Variants in THSD7B observed in about 807,000 individuals in gnomAD.
THSD7B encodes thrombospondin type 1 domain containing 7B, also known as thrombospondin type-1 domain-containing protein 7B.
A neutral mutation model predicts 213.6 loss-of-function variants in THSD7B; 138 were observed. The ratio of observed to expected loss-of-function variants is 0.65; its 90% CI spans 0.56 to 0.74. The LOEUF is 0.74. Among genes scored for constraint, THSD7B ranks in the 30% least tolerant of loss-of-function variants. The pLI is 0.00. For synonymous variants in THSD7B, 742 were observed against 687.0 expected, an observed-to-expected ratio of 1.08 and a Z score of -1.25; for missense variants, 1,931 against 1,991.5, an observed-to-expected ratio of 0.97 and a Z score of 0.58.
At chr2:137,089,745 C>T (rs1687915696) in intron 3 of THSD7B, among the ~76,000 whole-genome samples, 1 of 152,018 alleles carries the variant, frequency 6.6e-6, no homozygotes, top group Non-Finnish European at 1.5e-5. Flanking sequence ...CGAAATCTCA[C>T]ACATCACCAC....
intron 25 of THSD7B, among the ~76,000 whole-genome samples, chr2:137,660,902 TCTTA>T (rs1054805540): frequency 6.6e-5 from 10 of 152,228 alleles, no homozygotes; most frequent in African/African-American, 2.4e-4. Flanking sequence ...TAACATGTGC[TCTTA>T]CTTTTTTTCT....
intron 15 of THSD7B, among the ~76,000 whole-genome samples, chr2:137,518,491 T>C (rs1275839864): frequency 2.0e-5 from 3 of 152,102 alleles, no homozygotes; most frequent in Non-Finnish European, 4.4e-5. Flanking sequence ...AGAAGCACGA[T>C]TGGAAAATTG....
chr2:137,067,074 C>A (rs1687396360), intron 3 of THSD7B, among the ~76,000 whole-genome samples: 1 of 152,102 alleles, frequency 6.6e-6, no homozygotes, highest in Non-Finnish European at 1.5e-5. Context: ...GCTTACAATA[C>A]CCATTTGTTC....
At chr2:137,546,424 TTA>T (rs1190179445) in intron 15 of THSD7B, among the ~76,000 whole-genome samples, 315 of 27,796 alleles carry the variant, frequency 0.011, 13 homozygotes, top group African/African-American at 0.037. Context: ...ATTATATATA[TTA>T]TATATATATT....
chr2:137,103,028 T>TAC (rs1297600614), intron 4 of THSD7B, among the ~76,000 whole-genome samples: 1 of 151,986 alleles, frequency 6.6e-6, no homozygotes, highest in Non-Finnish European at 1.5e-5. Context: ...ATTCAGGAAA[T>TAC]ACAGAGAACA....
chr2:137,032,547 A>G (rs1686695287), intron 2 of THSD7B, among the ~76,000 whole-genome samples: 1 of 152,214 alleles, frequency 6.6e-6, no homozygotes, highest in Non-Finnish European at 1.5e-5. Flanking sequence ...CTCTCTCAGA[A>G]TAGCCTCTTG....
chr2:137,366,544 G>T (rs929265368), intron 12 of THSD7B, among the ~76,000 whole-genome samples: 1 of 151,562 alleles, frequency 6.6e-6, no homozygotes, highest in Non-Finnish European at 1.5e-5. Context: ...ATCACAAATG[G>T]TTTCTCCTTC....
intron 12 of THSD7B, among the ~76,000 whole-genome samples, chr2:137,393,228 T>C (rs1245161670): frequency 6.6e-6 from 1 of 151,542 alleles, no homozygotes; most frequent in Non-Finnish European, 1.5e-5. Context: ...GTTACATATG[T>C]ATACATGTGC....
At chr2:137,096,559 A>G (rs1688043690) in intron 4 of THSD7B, among the ~76,000 whole-genome samples, 1 of 152,212 alleles carries the variant, frequency 6.6e-6, no homozygotes, top group South Asian at 2.1e-4. Context: ...TCTCAAATGC[A>G]GAAGATGGAG....
In THSD7B at chr2:137,233,021, A is replaced by G. The variant is rs1395695682; in HGVS notation, c.2038A>G (p.Thr680Ala). Reference sequence around the variant, plus strand: ...CCCTTGTTCTGAGGACACATTGGTAACTGCCCTTAATGCAACCATTGGCTG... The same window carrying G: ...CCCTTGTTCTGAGGACACATTGGTAGCTGCCCTTAATGCAACCATTGGCTG... ...WGPCSEDTLVTALNATIGWNG... is the reference protein window; with the variant it reads ...WGPCSEDTLVAALNATIGWNG... Residue 680 changes from threonine (T) to alanine (A), a missense_variant, in exon 9 of 28, where the codon ACT becomes GCT. By Grantham distance (58) the Thr-to-Ala change is moderately conservative. Transcript: ENST00000409968. The G allele has an allele frequency of 1.9e-6, 3 of 1,613,964 alleles. No individual in the cohort carries two copies. The highest frequency in any genetic ancestry group is 3.3e-5 in the Admixed American group (2 of 59,998).
At chr2:136,973,209 C>T (rs1398017311) in intron 2 of THSD7B, among the ~76,000 whole-genome samples, 1 of 152,142 alleles carries the variant, frequency 6.6e-6, no homozygotes. Context: ...TCTCTTTCCT[C>T]TAGAGGAGTA....
chr2:137,135,902 C>T (rs189794225), intron 5 of THSD7B, among the ~76,000 whole-genome samples: 161 of 152,022 alleles, frequency 1.1e-3, no homozygotes, highest in African/African-American at 3.7e-3. Context: ...ACACACTGTT[C>T]TTCTTCAATA....
chr2:136,952,235 A>G (rs554930273), intron 2 of THSD7B, among the ~76,000 whole-genome samples: 3 of 152,092 alleles, frequency 2.0e-5, no homozygotes, highest in South Asian at 4.1e-4. Flanking sequence ...AAGCACATAT[A>G]TTGAACTCAT....
intron 2 of THSD7B, among the ~76,000 whole-genome samples, chr2:137,001,739 T>A (rs930214890): frequency 2.0e-5 from 3 of 152,118 alleles, no homozygotes; most frequent in Non-Finnish European, 4.4e-5. Context: ...TTTATCTATG[T>A]TTAGCTTCAA....
rs535137551 is a variant in THSD7B at position 137,467,805 on chromosome 2, A to T, written c.3138+16782A>T. On this transcript the variant is annotated intron_variant, in intron 15 of 27. Transcript: ENST00000409968. ...TGACACTTACATTTTTGGCAAAGGG[A>T]TGATTCTATCTTGCAAGCTATTTTC... Among the ~76,000 whole-genome samples, 3 of 152,220 alleles carry T rather than the reference A, an allele frequency of 2.0e-5. No homozygotes were observed. In the East Asian group the frequency reaches 5.8e-4, roughly 29 times the overall value.
intron 2 of THSD7B, among the ~76,000 whole-genome samples, chr2:137,041,489 TTTATA>T (rs1350832938): frequency 6.6e-6 from 1 of 151,562 alleles, no homozygotes; most frequent in South Asian, 2.1e-4. Context: ...TATACATGCA[TTTATA>T]TTATATCTAA....
At chr2:136,873,424 A>G (rs970148892) in intron 1 of THSD7B, among the ~76,000 whole-genome samples, 9 of 152,210 alleles carry the variant, frequency 5.9e-5, no homozygotes, top group Non-Finnish European at 1.2e-4. Flanking sequence ...AAAGGCCTGA[A>G]CAAGTTACTA....
Position 137,265,860 on chromosome 2 carries a change from G to A in THSD7B, c.2267-6673G>A, listed in dbSNP as rs182643447. 1.4e-3 allele frequency among the ~76,000 whole-genome samples: 218 copies of A among 152,294 alleles called. 3 individuals carry two copies. The highest frequency in any genetic ancestry group is 5.1e-3 in the African/African-American group (210 of 41,570). ...ATTATTATTTAAGCTAAGATAATAG[G>A]TATTGGCTAGAATTGCTGTGAGAAA... On this transcript the variant is annotated intron_variant, in intron 10 of 27. Transcript: ENST00000409968.
intron 1 of THSD7B, among the ~76,000 whole-genome samples, chr2:136,847,851 A>C (rs1683035885): frequency 6.6e-6 from 1 of 152,180 alleles, no homozygotes; most frequent in African/African-American, 2.4e-5. Context: ...GTTTGAATGA[A>C]TATATCAGAA....
Sources: allele counts gnomAD v4.1 joint callset (sites outside exome capture counted in the v4.1 genomes callset), GRCh38; gene constraint gnomAD v4.1.1; transcripts MANE v1.5; gene names NCBI Gene and HGNC (gene_info 2026-07-23, HGNC 2026-07-21).